Variants in DSCAML1 observed in about 807,000 individuals in gnomAD.
DSCAML1 encodes the protein cell adhesion molecule DSCAML1.
DSCAML1 carries 38 observed loss-of-function variants against 200.5 expected under a neutral mutation model. That is an observed-to-expected ratio of 0.19 (90% CI 0.15 to 0.25). DSCAML1 has a LOEUF of 0.25. DSCAML1 is among the 10% of genes least tolerant of loss of function. The pLI is 1.00. For missense variants in DSCAML1, 2,223 were observed against 2,858.8 expected (o/e 0.78, Z 5.07); for synonymous variants, 1,215 against 1,165.0 (o/e 1.04, Z -0.87).
chr11:117,542,169 T>C (rs11823783), intron 3 of DSCAML1, among the ~76,000 whole-genome samples: 43,111 of 151,632 alleles, frequency 0.28, 6,700 homozygotes, highest in African/African-American at 0.4. Context: ...ATTAGCTGGG[T>C]ATGGTGTCAG....
At chr11:117,697,315 C>T (rs373489615) in intron 3 of DSCAML1, among the ~76,000 whole-genome samples, 2 of 152,142 alleles carry the variant, frequency 1.3e-5, no homozygotes, top group South Asian at 2.1e-4. Context: ...CCTGCCCTGT[C>T]GCATACACTG....
intron 3 of DSCAML1, among the ~76,000 whole-genome samples, chr11:117,595,602 G>A (rs2051349860): frequency 6.6e-6 from 1 of 152,168 alleles, no homozygotes; most frequent in Admixed American, 6.5e-5. Context: ...AGGTGCCAGG[G>A]CCGGCCCCGC....
intron 3 of DSCAML1, among the ~76,000 whole-genome samples, chr11:117,715,860 C>A (rs2053944071): frequency 6.6e-6 from 1 of 152,164 alleles, no homozygotes; most frequent in Non-Finnish European, 1.5e-5. Flanking sequence ...CCATATATAA[C>A]CCTCCTCTAT....
In DSCAML1 at chr11:117,797,107, A is replaced by T; in HGVS notation, c.-28T>A. 1 of 1,589,132 alleles carries T rather than the reference A, an allele frequency of 6.3e-7. No individual in the cohort carries two copies. Among genetic ancestry groups the T allele is most frequent in the Non-Finnish European group, 8.6e-7 (1 of 1,168,524 alleles). ...CATAAAGAGGCCCTATTCTCCGGGG[A>T]GGTGGTCCTGTGGCCGGCCGTGCGG... On this transcript the variant is annotated 5_prime_UTR_variant, in exon 1 of 33. Transcript: ENST00000651296.
chr11:117,559,569 A>G (rs1207646060), intron 3 of DSCAML1, among the ~76,000 whole-genome samples: 1 of 152,098 alleles, frequency 6.6e-6, no homozygotes, highest in East Asian at 1.9e-4. Flanking sequence ...CTTGTAAGCC[A>G]TCAGGGAGTT....
intron 23 of DSCAML1, 42 bp from the exon 24 acceptor site, chr11:117,439,025 C>T (rs200166260): frequency 3.8e-4 from 588 of 1,554,306 alleles, no homozygotes; most frequent in Admixed American, 5.4e-4. Context: ...AAGGGCGGAC[C>T]CTGTGATGGG....
chr11:117,690,465 G>A lies in DSCAML1; in HGVS notation c.511+86326C>T, dbSNP rs185043374. On this transcript the variant is annotated intron_variant, in intron 3 of 32. Coordinates refer to ENST00000651296, the MANE Select transcript of DSCAML1 (RefSeq NM_020693.4). ...CCTCACGGGCCTTTCAACATCAGTC[G>A]CATTGGATACAGCAGTGGCCACTGT... 1.1e-3 allele frequency among the ~76,000 whole-genome samples: 170 copies of A among 152,380 alleles called. 1 individual carries two copies. Among genetic ancestry groups the A allele is most frequent in the Admixed American group, 3.8e-3 (58 of 15,310 alleles).
At chr11:117,733,066 G>A (rs1239096592) in intron 3 of DSCAML1, among the ~76,000 whole-genome samples, 2 of 152,118 alleles carry the variant, frequency 1.3e-5, no homozygotes, top group Non-Finnish European at 2.9e-5. Context: ...TATCATCAGG[G>A]GTGAACTGGC....
In DSCAML1 at chr11:117,462,046, G is replaced by A. The variant is rs557634629; in HGVS notation, c.3266-450C>T. 2.5e-4 allele frequency among the ~76,000 whole-genome samples: 38 copies of A among 152,292 alleles called. No individual in the cohort carries two copies. In the South Asian group the frequency reaches 2.9e-3, roughly 12 times the overall value. ...TGATGGCTGCCAGCCCCTCTGTGTC[G>A]TCTGACCAGGGGTCTGGGCCAAGGC... On this transcript the variant is annotated intron_variant, in intron 17 of 32. Coordinates refer to ENST00000651296, the MANE Select transcript of DSCAML1 (RefSeq NM_020693.4).
At chr11:117,598,755 C>T (rs1306738158) in intron 3 of DSCAML1, among the ~76,000 whole-genome samples, 2 of 152,142 alleles carry the variant, frequency 1.3e-5, no homozygotes, top group East Asian at 1.9e-4. Context: ...GGAGGGGCAG[C>T]GCCAACTTTC....
chr11:117,492,401 T>C (rs1298425891), intron 11 of DSCAML1, among the ~76,000 whole-genome samples: 1 of 152,188 alleles, frequency 6.6e-6, no homozygotes, highest in Non-Finnish European at 1.5e-5. Flanking sequence ...GGATGTCCTC[T>C]TCTTTGCCTT....
chr11:117,558,048 G>A (rs2050590491), intron 3 of DSCAML1, among the ~76,000 whole-genome samples: 1 of 152,070 alleles, frequency 6.6e-6, no homozygotes, highest in Non-Finnish European at 1.5e-5. Context: ...TTCCCACCAG[G>A]ACTGGGAACC....
At chr11:117,609,477 A>G (rs1205073010) in intron 3 of DSCAML1, among the ~76,000 whole-genome samples, 2 of 151,590 alleles carry the variant, frequency 1.3e-5, no homozygotes, top group Non-Finnish European at 2.9e-5. Context: ...CTGGCTAATT[A>G]AAAAAACATT....
intron 3 of DSCAML1, among the ~76,000 whole-genome samples, chr11:117,702,210 T>G (rs557545001): frequency 5.5e-4 from 84 of 152,188 alleles, no homozygotes; most frequent in African/African-American, 2.0e-3. Flanking sequence ...ACGGCCCACA[T>G]TGCTTTTAGG....
In DSCAML1 at chr11:117,447,660, AG is replaced by A. The variant is rs1275085589; in HGVS notation, c.3708+2888del. On this transcript the variant is annotated intron_variant, in intron 20 of 32. Transcript: ENST00000651296. ...ATTCAGTGTAGCTGTGGCCATCCCC[AG>A]GGGTAGCTTCCCTAGAGCCAAGGCC... Among the ~76,000 whole-genome samples the A allele has an allele frequency of 3.9e-5, 6 of 152,218 alleles. No homozygotes were observed. In the South Asian group the frequency reaches 6.2e-4, roughly 16 times the overall value.
chr11:117,778,814 G>C (rs1369500774), intron 2 of DSCAML1, among the ~76,000 whole-genome samples: 2 of 152,198 alleles, frequency 1.3e-5, no homozygotes, highest in Non-Finnish European at 2.9e-5. Context: ...CCAGGCCTCA[G>C]GGCTCCCAGC....
intron 8 of DSCAML1, among the ~76,000 whole-genome samples, chr11:117,512,760 ATCAC>A (rs1283052236): frequency 1.5e-3 from 93 of 60,746 alleles, no homozygotes; most frequent in African/African-American, 5.2e-3. Context: ...GTCCTCTAGG[ATCAC>A]ACACACACAC....
upstream of DSCAML1, chr11:117,801,907 T>C (rs2134084807): frequency 6.6e-6 from 1 of 152,352 alleles, no homozygotes; most frequent in African/African-American, 2.4e-5. Flanking sequence ...TGCTGTTCTT[T>C]CTCAGCTCAC....
Position 117,780,141 on chromosome 11 carries a change from A to AAG in DSCAML1, c.364+350_364+351dup, listed in dbSNP as rs763844992. Among the ~76,000 whole-genome samples, 606 of 147,438 alleles carry AAG rather than the reference A, an allele frequency of 4.1e-3. 10 individuals carry two copies. The highest frequency in any genetic ancestry group is 0.011 in the African/African-American group (449 of 39,350). On this transcript the variant is annotated intron_variant, in intron 2 of 32. Coordinates refer to ENST00000651296, the MANE Select transcript of DSCAML1 (RefSeq NM_020693.4). This position sits in a 1 kb window ranked among gnomAD's most constrained non-coding sequence, Gnocchi z 4.8. ...GGCTCTGTCTCAAAAAGCAAAAAGAAAGAGAGAGAGAGAGAGAGAAAGAAA... is the reference window on the plus strand; with the variant it reads ...GGCTCTGTCTCAAAAAGCAAAAAGAAAGAGAGAGAGAGAGAGAGAGAAAGAAA...
Sources: gnomAD v4.1 joint callset for allele counts (sites outside exome capture counted in the v4.1 genomes callset) on GRCh38, gnomAD v4.1.1 for gene constraint, Gnocchi (gnomAD v3.1) non-coding constraint, MANE v1.5 for transcripts, NCBI Gene and HGNC (gene_info 2026-07-23, HGNC 2026-07-21) for gene names.